SRD5A2: variants seen among roughly 807,000 people sequenced by gnomAD.
SRD5A2 encodes 3-oxo-5-alpha-steroid 4-dehydrogenase 2.
In SRD5A2, 30 loss-of-function variants were observed where a neutral mutation model predicts 27.4. The observed-to-expected ratio is 1.10, with a 90% CI of 0.82 to 1.49. The LOEUF is 1.49. Among genes scored for constraint, SRD5A2 ranks in the 40% most tolerant of loss-of-function variants. The pLI is 0.00. For synonymous variants in SRD5A2, 141 were observed against 133.6 expected (o/e 1.06, Z -0.38); for missense variants, 348 against 323.4 (o/e 1.08, Z -0.58).
At chr2:31,556,814 T>C (rs2148084465) in intron 1 of SRD5A2, among the ~76,000 whole-genome samples, 1 of 152,290 alleles carries the variant, frequency 6.6e-6, no homozygotes, top group East Asian at 1.9e-4. Flanking sequence ...CTTGTTGGAG[T>C]AATATTACAC....
the SRD5A2 span, among the ~76,000 whole-genome samples, chr2:31,599,316 T>C: frequency 6.6e-6 from 1 of 152,030 alleles, no homozygotes; most frequent in Non-Finnish European, 1.5e-5. Context: ...AAGAATCTAA[T>C]ACATATTTAT....
the SRD5A2 span, among the ~76,000 whole-genome samples, chr2:31,640,292 T>C: frequency 6.6e-6 from 1 of 152,174 alleles, no homozygotes; most frequent in Admixed American, 6.5e-5. Flanking sequence ...AAATTGCTAT[T>C]TTGAACTCTT....
chr2:31,567,433 G>GGTGTGTGTGTGT (rs557711508), intron 1 of SRD5A2, among the ~76,000 whole-genome samples: 10 of 145,482 alleles, frequency 6.9e-5, no homozygotes, highest in African/African-American at 2.6e-4. Flanking sequence ...GGTGCAATTT[G>GGTGTGTGTGTGT]GTGTGTGTGT....
chr2:31,593,805 G>A, the SRD5A2 span, among the ~76,000 whole-genome samples: 28 of 152,270 alleles, frequency 1.8e-4, no homozygotes, highest in South Asian at 3.9e-3. Flanking sequence ...AAATCATCAA[G>A]TAGTCTATAA....
At chr2:31,600,969 A>G in the SRD5A2 span, among the ~76,000 whole-genome samples, 8 of 151,782 alleles carry the variant, frequency 5.3e-5, no homozygotes, top group Admixed American at 2.0e-4. Flanking sequence ...ATTTCAATTC[A>G]TGCTAAAAAG....
At chr2:31,542,741 C>A (rs1395821316) in intron 1 of SRD5A2, among the ~76,000 whole-genome samples, 1 of 151,916 alleles carries the variant, frequency 6.6e-6, no homozygotes, top group East Asian at 1.9e-4. Context: ...ATCATCAAGT[C>A]TGAGGAACAA....
intron 1 of SRD5A2, among the ~76,000 whole-genome samples, chr2:31,538,021 T>C (rs1303197365): frequency 6.6e-6 from 1 of 152,214 alleles, no homozygotes; most frequent in African/African-American, 2.4e-5. Flanking sequence ...GTCTCAGGTA[T>C]TCAGTTATAG....
At chr2:31,628,067 TGGG>T in the SRD5A2 span, among the ~76,000 whole-genome samples, 1 of 152,132 alleles carries the variant, frequency 6.6e-6, no homozygotes, top group Non-Finnish European at 1.5e-5. Flanking sequence ...ATACTGTCAG[TGGG>T]GTGTTAAAAT....
At chr2:31,605,801 A>G in the SRD5A2 span, among the ~76,000 whole-genome samples, 16 of 151,960 alleles carry the variant, frequency 1.1e-4, no homozygotes, top group Admixed American at 6.6e-4. Context: ...TGCTGGGTAC[A>G]TACCCAAAAG....
At chr2:31,652,207 T>C in the SRD5A2 span, among the ~76,000 whole-genome samples, 4 of 152,162 alleles carry the variant, frequency 2.6e-5, no homozygotes, top group African/African-American at 9.6e-5. Flanking sequence ...CCACCCGCCT[T>C]GGCCTCCCAA....
chr2:31,597,819 T>C, the SRD5A2 span, among the ~76,000 whole-genome samples: 331 of 152,266 alleles, frequency 2.2e-3, no homozygotes, highest in African/African-American at 7.7e-3. Flanking sequence ...TTGGTGTGGA[T>C]GTGGTAAAAA....
the SRD5A2 span, among the ~76,000 whole-genome samples, chr2:31,627,856 T>G: frequency 6.6e-6 from 1 of 152,126 alleles, no homozygotes; most frequent in African/African-American, 2.4e-5. Context: ...ATTTTTTTGT[T>G]GTTTTTTTAA....
At chr2:31,552,116 T>C (rs1303463046) in intron 1 of SRD5A2, among the ~76,000 whole-genome samples, 3 of 151,430 alleles carry the variant, frequency 2.0e-5, no homozygotes, top group Admixed American at 2.0e-4. Flanking sequence ...GTAGAATAAA[T>C]GGTCCCTCAC....
At chr2:31,581,015 GC>G, upstream of SRD5A2, 2 of 1,188,560 alleles carry the variant, frequency 1.7e-6, no homozygotes, top group Non-Finnish European at 2.3e-6. Flanking sequence ...CTTGGCTCCC[GC>G]CCCTCCATCC....
At chr2:31,623,491 T>C in the SRD5A2 span, among the ~76,000 whole-genome samples, 1 of 151,876 alleles carries the variant, frequency 6.6e-6, no homozygotes, top group Admixed American at 6.6e-5. Flanking sequence ...GCTGGAGAGG[T>C]GTTGAGGTCA....
the SRD5A2 span, among the ~76,000 whole-genome samples, chr2:31,653,587 G>T: frequency 6.6e-6 from 1 of 152,172 alleles, no homozygotes; most frequent in Non-Finnish European, 1.5e-5. Context: ...AGCTGCATAA[G>T]TCAAGGTGTC....
intron 1 of SRD5A2, among the ~76,000 whole-genome samples, chr2:31,547,963 T>C (rs1195715951): frequency 6.6e-6 from 1 of 152,158 alleles, no homozygotes; most frequent in Non-Finnish European, 1.5e-5. Flanking sequence ...AGAACCCTGA[T>C]TAAAACAGAT....
chr2:31,528,402 G>A (rs1440532089), intron 4 of SRD5A2, among the ~76,000 whole-genome samples: 1 of 152,190 alleles, frequency 6.6e-6, no homozygotes, highest in African/African-American at 2.4e-5. Flanking sequence ...AAATCTTGTT[G>A]CCAAAAATAG....
At chr2:31,575,219 A>G (rs191228496) in intron 1 of SRD5A2, among the ~76,000 whole-genome samples, 145 of 152,270 alleles carry the variant, frequency 9.5e-4, no homozygotes, top group African/African-American at 3.2e-3. Context: ...TAGTTTCCTT[A>G]GCAAGGTCTG....
Sources: allele counts gnomAD v4.1 joint callset (sites outside exome capture counted in the v4.1 genomes callset), GRCh38; gene constraint gnomAD v4.1.1; transcripts MANE v1.5; gene names NCBI Gene and HGNC (gene_info 2026-07-23, HGNC 2026-07-21).